MAP2: variants seen among roughly 807,000 people sequenced by gnomAD.
MAP2 encodes the protein microtubule-associated protein 2.
A neutral mutation model predicts 137.6 loss-of-function variants in MAP2; 14 were observed. The observed-to-expected ratio is 0.10, with a 90% CI of 0.07 to 0.16. The LOEUF (loss-of-function observed/expected upper bound fraction) is 0.16. MAP2 is among the 10% of genes least tolerant of loss of function. The pLI is 1.00. For missense variants in MAP2, 2,088 were observed against 2,191.5 expected, an observed-to-expected ratio of 0.95 and a Z score of 0.94; for synonymous variants, 786 against 782.3, an observed-to-expected ratio of 1.00 and a Z score of -0.08.
chr2:209,575,181 A>G (rs1366731098), intron 2 of MAP2, among the ~76,000 whole-genome samples: 1 of 152,216 alleles, frequency 6.6e-6, no homozygotes, highest in Non-Finnish European at 1.5e-5. Context: ...TTTAAAATAA[A>G]TTTACATCCT....
intron 3 of MAP2, among the ~76,000 whole-genome samples, chr2:209,581,056 A>G (rs2076304975): frequency 6.6e-6 from 1 of 152,186 alleles, no homozygotes; most frequent in South Asian, 2.1e-4. Flanking sequence ...TGAAAAATAT[A>G]CCTGAAAATA....
At chr2:209,665,207 G>C (rs2045764081) in intron 5 of MAP2, among the ~76,000 whole-genome samples, 1 of 152,086 alleles carries the variant, frequency 6.6e-6, no homozygotes, top group Non-Finnish European at 1.5e-5. Flanking sequence ...TTTGACTGAA[G>C]ATAGCAGTAA....
intron 1 of MAP2, among the ~76,000 whole-genome samples, chr2:209,434,977 T>G (rs976730875): frequency 6.8e-6 from 1 of 147,386 alleles, no homozygotes; most frequent in Non-Finnish European, 1.5e-5. Flanking sequence ...CAACAAATAA[T>G]TCAAATATAT....
intron 3 of MAP2, among the ~76,000 whole-genome samples, chr2:209,621,412 C>T (rs927618260): frequency 6.6e-6 from 1 of 151,404 alleles, no homozygotes; most frequent in African/African-American, 2.4e-5. Context: ...GCATGCACCA[C>T]CATGCCCAGC....
chr2:209,669,653 T>C (rs184326968), intron 5 of MAP2, among the ~76,000 whole-genome samples: 2 of 152,140 alleles, frequency 1.3e-5, no homozygotes, highest in Admixed American at 6.6e-5. Context: ...TATAGAAGCA[T>C]TGATTTCTCC....
intron 1 of MAP2, among the ~76,000 whole-genome samples, chr2:209,438,749 G>A (rs1697007138): frequency 6.6e-6 from 1 of 151,436 alleles, no homozygotes; most frequent in South Asian, 2.1e-4. Flanking sequence ...ACTCATGTCA[G>A]CATCCTCAGG....
intron 1 of MAP2, among the ~76,000 whole-genome samples, chr2:209,441,396 C>G (rs1329037407): frequency 6.6e-6 from 1 of 151,520 alleles, no homozygotes; most frequent in Non-Finnish European, 1.5e-5. Flanking sequence ...TTGTTATATA[C>G]AGATGATCTA....
At chr2:209,473,236 T>C (rs921262323) in intron 1 of MAP2, among the ~76,000 whole-genome samples, 7 of 152,176 alleles carry the variant, frequency 4.6e-5, no homozygotes, top group Non-Finnish European at 8.8e-5. Flanking sequence ...ACAGTGATTG[T>C]CAGGTTATTG....
chr2:209,700,460 C>A, intron 11 of MAP2, 122 bp downstream of exon 11: 2 of 757,554 alleles, frequency 2.6e-6, no homozygotes, highest in South Asian at 2.0e-5. Context: ...AAATAGTTCG[C>A]TCACCCAGAA....
intron 2 of MAP2, among the ~76,000 whole-genome samples, chr2:209,533,692 T>C (rs975970597): frequency 4.6e-5 from 7 of 152,252 alleles, no homozygotes; most frequent in African/African-American, 1.4e-4. Flanking sequence ...GGCATACTTA[T>C]GCTTCTGGTT....
At chr2:209,723,696 A>AAGCGCC (rs757926494) in intron 13 of MAP2, 22 of 1,608,222 alleles carry the variant, frequency 1.4e-5, no homozygotes, top group African/African-American at 2.7e-5. Flanking sequence ...ATGTAAGTAG[A>AAGCGCC]AGCGCCTTTT....
At chr2:209,538,721 C>T (rs994255204) in intron 2 of MAP2, among the ~76,000 whole-genome samples, 2 of 151,840 alleles carry the variant, frequency 1.3e-5, no homozygotes, top group African/African-American at 2.4e-5. Flanking sequence ...AAAAACACAT[C>T]GTGAAATCGA....
intron 1 of MAP2, among the ~76,000 whole-genome samples, chr2:209,456,703 A>C (rs1236468558): frequency 6.6e-6 from 1 of 152,226 alleles, no homozygotes; most frequent in Non-Finnish European, 1.5e-5. Context: ...CACTGTGATC[A>C]CATGTTAACA....
At chr2:209,643,857 G>A (rs2094213764) in intron 4 of MAP2, among the ~76,000 whole-genome samples, 1 of 152,180 alleles carries the variant, frequency 6.6e-6, no homozygotes, top group Non-Finnish European at 1.5e-5. Context: ...CTGGACAAAG[G>A]AAGTGAAAGA....
At chr2:209,459,234 G>A (rs1702206529) in intron 1 of MAP2, among the ~76,000 whole-genome samples, 1 of 151,996 alleles carries the variant, frequency 6.6e-6, no homozygotes, top group African/African-American at 2.4e-5. Flanking sequence ...TCATGCCTCT[G>A]TTTTCTCATC....
At chr2:209,451,335 C>A (rs903971697) in intron 1 of MAP2, among the ~76,000 whole-genome samples, 1 of 152,182 alleles carries the variant, frequency 6.6e-6, no homozygotes, top group Admixed American at 6.5e-5. Context: ...TGGATTCAGA[C>A]AATGGGGAGC....
chr2:209,528,100 C>T (rs1177149043), intron 2 of MAP2, among the ~76,000 whole-genome samples: 2 of 120,080 alleles, frequency 1.7e-5, no homozygotes, highest in African/African-American at 7.0e-5. Flanking sequence ...AGCCATCTTC[C>T]CCCCCTGCCC....
chr2:209,456,792 A>G (rs1400727639), intron 1 of MAP2, among the ~76,000 whole-genome samples: 1 of 152,216 alleles, frequency 6.6e-6, no homozygotes, highest in East Asian at 1.9e-4. Context: ...TTCATATGAA[A>G]CACTTAGCTC....
chr2:209,441,252 A>G (rs1053857759), intron 1 of MAP2, among the ~76,000 whole-genome samples: 1 of 151,596 alleles, frequency 6.6e-6, no homozygotes, highest in Non-Finnish European at 1.5e-5. Context: ...GAAAAAAATA[A>G]TTTGCAATAG....
Sources: gnomAD v4.1 joint callset for allele counts (sites outside exome capture counted in the v4.1 genomes callset) on GRCh38, gnomAD v4.1.1 for gene constraint, MANE v1.5 for transcripts, NCBI Gene and HGNC (gene_info 2026-07-23, HGNC 2026-07-21) for gene names.